TXNDC2: variants seen among roughly 807,000 people sequenced by gnomAD.
The protein encoded by TXNDC2 is thioredoxin domain-containing protein 2.
A neutral mutation model predicts 0.4 loss-of-function variants in TXNDC2; 1 was observed. That is an observed-to-expected ratio of 2.30 (90% CI 0.82 to 10.89). The LOEUF (loss-of-function observed/expected upper bound fraction) is 10.89, where lower values mean the gene tolerates loss of function less well. Ranked by LOEUF, TXNDC2 falls within the 30% of genes most tolerant of loss-of-function variation. The pLI is 0.12. For synonymous variants in TXNDC2, 183 were observed against 224.6 expected (o/e 0.81, Z 1.66); for missense variants, 509 against 579.8 (o/e 0.88, Z 1.25).
At chr18:9,886,157 A>G (rs1174856240) in intron 1 of TXNDC2, 77 bp downstream of exon 1, 2 of 1,609,246 alleles carry the variant, frequency 1.2e-6, no homozygotes, top group Non-Finnish European at 1.7e-6. Flanking sequence ...ACTATGAGGC[A>G]TCTATGAAGG....
At position 9,887,540 on chromosome 18, in the gene TXNDC2, C is replaced by T. The variant is rs2068965871; in HGVS notation, c.860C>T (p.Pro287Leu). 2.6e-6 allele frequency: 4 copies of T among 1,549,680 alleles called. No homozygotes were observed. The highest frequency in any genetic ancestry group is 3.5e-6 in the Non-Finnish European group (4 of 1,142,248). ...IPKSPEETIQ[P>L]KKGDIPKSPE... ...AAGTCCCCAGAAGAAACCATCCAGC[C>T]CAAGAAGGGTGACATCCCCAAGTCC... is the stretch of plus-strand genomic sequence containing the variant. The change falls in exon 2 of 2, where the codon CCC (proline) becomes CTC (leucine). Residue 287 changes from proline (P) to leucine (L), a missense_variant. Physicochemically the swap from Pro to Leu is moderately conservative, Grantham distance 98. Transcript: ENST00000357775.
intron 1 of TXNDC2, 67 bp from the exon 2 acceptor site, chr18:9,886,522 T>G: frequency 1.5e-6 from 2 of 1,320,190 alleles, no homozygotes; most frequent in Non-Finnish European, 2.0e-6. Context: ...GAGAATTTCT[T>G]TGGTTCTTCT....
chr18:9,886,073 AC>A lies in TXNDC2; in HGVS notation c.-97del, dbSNP rs2068946750. 2 of 913,636 alleles carry A rather than the reference AC, an allele frequency of 2.2e-6. No homozygotes were observed. The highest frequency in any genetic ancestry group is 3.4e-6 in the Non-Finnish European group (2 of 584,696). 56.6% of individuals were successfully genotyped at this position (913,636 alleles called of 1,614,324 possible). ...GAGGGAAAACCAACTGTAACGTGCC[AC>A]CCAAATGTAAGTTTTACTCATATTT... On this transcript the variant is annotated 5_prime_UTR_variant, in exon 1 of 2. Transcript: ENST00000357775.
chr18:9,888,111 A>T lies in TXNDC2; in HGVS notation c.1431A>T (p.Lys477Asn), dbSNP rs1479167399. 6.2e-7 allele frequency: 1 copy of T among 1,613,298 alleles called. No homozygotes were observed. Among genetic ancestry groups the T allele is most frequent in the Admixed American group, 1.7e-5 (1 of 59,954 alleles). The change falls in exon 2 of 2, where the codon AAA becomes AAT. Residue 477 changes from lysine (K) to asparagine (N), a missense_variant. Physicochemically the swap from Lys to Asn is moderately conservative, Grantham distance 94 (BLOSUM62 0). Transcript: ENST00000357775. Reference sequence around the variant, plus strand: ...AACTTTGCGGCGCCCTTAAGGAAAAACTTGAAGCAGTCATTGCAGAATTAA... The same window carrying T: ...AACTTTGCGGCGCCCTTAAGGAAAATCTTGAAGCAGTCATTGCAGAATTAA... ...VDELCGALKE[K>N]LEAVIAELK
Position 9,887,887 on chromosome 18 carries a change from C to G in TXNDC2, c.1207C>G (p.Leu403Val), listed in dbSNP as rs1407540835. The G allele has an allele frequency of 1.9e-6, 3 of 1,612,468 alleles. No homozygotes were observed. Among genetic ancestry groups the G allele is most frequent in the South Asian group, 2.2e-5 (2 of 91,000 alleles). Residue 403 changes from leucine (L) to valine (V), a missense_variant, in exon 2 of 2, where the codon CTG (leucine) becomes GTG (valine). By Grantham distance (32) the Leu-to-Val change is conservative. Coordinates refer to ENST00000357775, the MANE Select transcript of TXNDC2 (RefSeq NM_032243.6). ...EASLKEAGER[L>V]VAVDFSATWC... Reference sequence around the variant, plus strand: ...ATCACTGAAGGAGGCCGGGGAGAGGCTGGTGGCTGTGGACTTCTCGGCCAC... The same window carrying G: ...ATCACTGAAGGAGGCCGGGGAGAGGGTGGTGGCTGTGGACTTCTCGGCCAC...
Position 9,886,365 on chromosome 18 carries a change from T to C in TXNDC2, c.-92-224T>C, listed in dbSNP as rs2068949214. The C allele has an allele frequency of 6.9e-6, 9 of 1,300,324 alleles. No individual in the cohort carries two copies. In the East Asian group the frequency reaches 2.1e-4, roughly 31 times the overall value. 80.5% of individuals were successfully genotyped at this position (1,300,324 alleles called of 1,614,324 possible). A position where few individuals can be genotyped will look rare whatever the true frequency, so the allele number is the denominator to read the frequency against. ...AGGGTGTTGAACCAAGAAGGGAAAG[T>C]TGTAGCTTAAGAACATGTATACAGA... On this transcript the variant is annotated intron_variant, in intron 1 of 1. Transcript: ENST00000357775.
Position 9,889,025 on chromosome 18 carries a change from G to C in TXNDC2, c.*884G>C, listed in dbSNP as rs2068978543. On this transcript the variant is annotated 3_prime_UTR_variant, in exon 2 of 2. Coordinates refer to ENST00000357775, the MANE Select transcript of TXNDC2 (RefSeq NM_032243.6). ...AATTAACCTAATCACAGTGCTACCA[G>C]AGTCTTGTTTGGACAACTTAGTGAG... is the stretch of plus-strand genomic sequence containing the variant. The C allele has an allele frequency of 1.3e-5, 2 of 152,192 alleles. No individual in the cohort carries two copies. The highest frequency in any genetic ancestry group is 1.3e-4 in the Admixed American group (2 of 15,274). 9.4% of individuals were successfully genotyped at this position (152,192 alleles called of 1,614,324 possible). A position where few individuals can be genotyped will look rare whatever the true frequency, so the allele number is the denominator to read the frequency against.
Position 9,887,065 on chromosome 18 carries a change from A to C in TXNDC2, c.385A>C (p.Lys129Gln), listed in dbSNP as rs747700842. 2.5e-6 allele frequency: 4 copies of C among 1,608,578 alleles called. No homozygotes were observed. In the African/African-American group the frequency reaches 5.4e-5, roughly 22 times the overall value. Reference protein sequence around the residue: ...TIQSKKEDLPKSSEEAIQPKE... With the variant: ...TIQSKKEDLPQSSEEAIQPKE... ...CCAATCCAAGAAGGAGGACCTCCCC[A>C]AGTCCTCAGAAGAAGCCATCCAGCC... is the stretch of plus-strand genomic sequence containing the variant. The change falls in exon 2 of 2, where the codon AAG becomes CAG. Residue 129 changes from lysine (K) to glutamine (Q), a missense_variant. This residue lies in a region of TXNDC2 where 187 missense variants were observed against 218.0 expected (regional missense o/e 0.86). Coordinates refer to ENST00000357775, the MANE Select transcript of TXNDC2 (RefSeq NM_032243.6).
At chr18:9,886,139 C>T (rs374798757) in intron 1 of TXNDC2, 59 bp downstream of exon 1, 53 of 1,568,130 alleles carry the variant, frequency 3.4e-5, no homozygotes, top group African/African-American at 2.6e-4. Flanking sequence ...TTGGAGGGTA[C>T]GGCCTTTACT....
In TXNDC2 at chr18:9,886,068, G is replaced by A. The variant is rs142738022; in HGVS notation, c.-105G>A. 1.2e-4 allele frequency: 100 copies of A among 863,990 alleles called. No individual in the cohort carries two copies. In the East Asian group the frequency reaches 2.2e-3, roughly 19 times the overall value. 53.5% of individuals were successfully genotyped at this position (863,990 alleles called of 1,614,324 possible). ...ACAGAGAGGGAAAACCAACTGTAAC[G>A]TGCCACCCAAATGTAAGTTTTACTC... On this transcript the variant is annotated 5_prime_UTR_variant, in exon 1 of 2. The change creates a new upstream start codon in the 5' untranslated region. Transcript: ENST00000357775.
chr18:9,886,517 T>C lies in TXNDC2; in HGVS notation c.-92-72T>C. 3 of 1,295,060 alleles carry C rather than the reference T, an allele frequency of 2.3e-6. No homozygotes were observed. The South Asian group carries it at 4.8e-5, about 21-fold the overall frequency. The allele number at this position is 1,295,060 out of a possible 1,614,324, so 80.2% of individuals were successfully genotyped here. A position where few individuals can be genotyped will look rare whatever the true frequency, so the allele number is the denominator to read the frequency against. ...AGTCTTCCTTGGAATATGAAGAGAA[T>C]TTCTTTGGTTCTTCTTTTGCATTTC... On this transcript the variant is annotated intron_variant, in intron 1 of 1. Transcript: ENST00000357775.
In TXNDC2 at chr18:9,888,504, G is replaced by C. The variant is rs1255149927; in HGVS notation, c.*363G>C. 1.1e-5 allele frequency: 2 copies of C among 180,224 alleles called. No homozygotes were observed. Among genetic ancestry groups the C allele is most frequent in the Non-Finnish European group, 2.3e-5 (2 of 86,282 alleles). The allele number at this position is 180,224 out of a possible 1,614,324, so 11.2% of individuals were successfully genotyped here. ...AGATAATTTTTCTATAGAGGTAGAT[G>C]ACTGAAAGGTGAATGGAAACTTCTT... is the stretch of plus-strand genomic sequence containing the variant. On this transcript the variant is annotated 3_prime_UTR_variant, in exon 2 of 2. Coordinates refer to ENST00000357775, the MANE Select transcript of TXNDC2 (RefSeq NM_032243.6).
In TXNDC2 at chr18:9,887,876, C is replaced by T. The variant is rs1382457100; in HGVS notation, c.1196C>T (p.Ala399Val). 6.2e-7 allele frequency: 1 copy of T among 1,611,614 alleles called. No homozygotes were observed. The highest frequency in any genetic ancestry group is 8.5e-7 in the Non-Finnish European group (1 of 1,178,332). The change falls in exon 2 of 2, where the codon GCC becomes GTC. Residue 399 changes from alanine (A) to valine (V), a missense_variant. This residue lies in a region of TXNDC2 where 229 missense variants were observed against 243.8 expected (regional missense o/e 0.94). Transcript: ENST00000357775. ...GACTTTGAGGCATCACTGAAGGAGG[C>T]CGGGGAGAGGCTGGTGGCTGTGGAC... is the stretch of plus-strand genomic sequence containing the variant. ...KEDFEASLKE[A>V]GERLVAVDFS...
At chr18:9,886,336 G>A (rs980440125) in intron 1 of TXNDC2, 17 of 1,516,506 alleles carry the variant, frequency 1.1e-5, no homozygotes, top group East Asian at 2.3e-5. Context: ...GTTAGGGAGC[G>A]GGCAGGGTGT....
rs993782032 is a variant in TXNDC2 at position 9,888,468 on chromosome 18, A to G, written c.*327A>G. The stretch of plus-strand genomic sequence containing the variant: ...TCACGCATTTAGTGTTTGCAGCAAG[A>G]CTGAAAATTTAGATAATTTTTCTAT... On this transcript the variant is annotated 3_prime_UTR_variant, in exon 2 of 2. Transcript: ENST00000357775. The G allele has an allele frequency of 1.4e-5, 3 of 220,740 alleles. No individual in the cohort carries two copies. The highest frequency in any genetic ancestry group is 6.8e-5 in the African/African-American group (3 of 43,986). The allele number at this position is 220,740 out of a possible 1,614,324, so 13.7% of individuals were successfully genotyped here. A position where few individuals can be genotyped will look rare whatever the true frequency, so the allele number is the denominator to read the frequency against.
chr18:9,886,651 G>A lies in TXNDC2; in HGVS notation c.-30G>A, dbSNP rs773075911. On this transcript the variant is annotated 5_prime_UTR_variant, in exon 2 of 2. Coordinates refer to ENST00000357775, the MANE Select transcript of TXNDC2 (RefSeq NM_032243.6). ...CCTGGCCCTAGAGTTCTTGGAAATA[G>A]CCCAGGCCAAAGAGAAGGCCTTTCT... is the stretch of plus-strand genomic sequence containing the variant. 3 of 1,614,034 alleles carry A rather than the reference G, an allele frequency of 1.9e-6. No individual in the cohort carries two copies. In the Admixed American group the frequency reaches 5.0e-5, roughly 27 times the overall value.
rs1348480576 is a variant in TXNDC2 at position 9,887,759 on chromosome 18, C to A, written c.1079C>A (p.Thr360Asn). 1.9e-6 allele frequency: 3 copies of A among 1,613,470 alleles called. No individual in the cohort carries two copies. Among genetic ancestry groups the A allele is most frequent in the Non-Finnish European group, 2.5e-6 (3 of 1,179,838 alleles). Residue 360 changes from threonine (T) to asparagine (N), a missense_variant, in exon 2 of 2, where the codon ACC becomes AAC. Physicochemically the swap from Thr to Asn is moderately conservative, Grantham distance 65. Coordinates refer to ENST00000357775, the MANE Select transcript of TXNDC2 (RefSeq NM_032243.6). ...DDSPKSLEEA[T>N]PSKEGDILKP... The stretch of plus-strand genomic sequence containing the variant: ...AGCCCCAAGTCCCTAGAAGAAGCCA[C>A]CCCATCCAAGGAGGGTGACATCCTA...
intron 1 of TXNDC2, 139 bp from the exon 2 acceptor site, chr18:9,886,450 A>T: frequency 5.3e-6 from 5 of 947,910 alleles, no homozygotes; most frequent in Non-Finnish European, 7.7e-6. Context: ...AGATTAATAC[A>T]TCATTCATCA....
At position 9,887,438 on chromosome 18, in the gene TXNDC2, AAGC is replaced by A; in HGVS notation, c.759_761del (p.Glu253_Ala254delinsAsp). On this transcript the variant is annotated inframe_deletion, in exon 2 of 2. Transcript: ENST00000357775. ...GGTGACATCCCCAAGTCCCCAGAAG[AAGC>A]CATCCAGCCCAAGGAGGGTGACATC... The A allele has an allele frequency of 2.0e-6, 3 of 1,530,612 alleles. No homozygotes were observed. Among genetic ancestry groups the A allele is most frequent in the Non-Finnish European group, 2.7e-6 (3 of 1,123,440 alleles). The allele number at this position is 1,530,612 out of a possible 1,614,324, so 94.8% of individuals were successfully genotyped here.
Sources: gnomAD v4.1 joint callset for allele counts on GRCh38, gnomAD v4.1.1 for gene constraint, gnomAD v4.1.1 regional missense constraint, MANE v1.5 for transcripts, NCBI Gene and HGNC (gene_info 2026-07-23, HGNC 2026-07-21) for gene names.